Variants in FGF14 observed in about 807,000 individuals in gnomAD.
The protein encoded by FGF14 is fibroblast growth factor homologous factor 4.
Under a neutral mutation model 25.5 loss-of-function variants are expected in FGF14, and 5 were observed. The ratio of observed to expected loss-of-function variants is 0.20; its 90% CI spans 0.10 to 0.41. FGF14 has a LOEUF of 0.41. Among genes scored for constraint, FGF14 ranks in the 10% least tolerant of loss-of-function variants. The probability of loss-of-function intolerance (pLI) is 1.00; values close to 1 mark genes in which losing one functional copy is unlikely to be tolerated. For synonymous variants in FGF14, 138 were observed against 118.3 expected (o/e 1.17, Z -1.08); for missense variants, 222 against 320.1 (o/e 0.69, Z 2.34).
chr13:102,364,121 G>C (rs1022367860), intron 1 of FGF14, among the ~76,000 whole-genome samples: 2 of 152,230 alleles, frequency 1.3e-5, no homozygotes, highest in African/African-American at 2.4e-5. Flanking sequence ...GGAAGATGCC[G>C]TAAGTGCCAC....
At chr13:102,270,572 T>TG (rs1447121572) in intron 1 of FGF14, among the ~76,000 whole-genome samples, 1 of 152,190 alleles carries the variant, frequency 6.6e-6, no homozygotes, top group Non-Finnish European at 1.5e-5. Flanking sequence ...ATTGTCAACC[T>TG]GCTTGCCAAG....
chr13:102,219,653 T>G (rs2050524236), intron 1 of FGF14, among the ~76,000 whole-genome samples: 1 of 152,176 alleles, frequency 6.6e-6, no homozygotes, highest in African/African-American at 2.4e-5. Context: ...CTGTTGAAAT[T>G]GATACTAAAA....
At chr13:101,797,741 G>A (rs925047549) in intron 3 of FGF14, among the ~76,000 whole-genome samples, 49 of 143,394 alleles carry the variant, frequency 3.4e-4, no homozygotes, top group East Asian at 1.4e-3. Context: ...ATTGATGTGT[G>A]TGTGTGTGTG....
chr13:102,374,328 C>T (rs964300300), intron 1 of FGF14, among the ~76,000 whole-genome samples: 2 of 151,742 alleles, frequency 1.3e-5, no homozygotes, highest in African/African-American at 4.8e-5. Flanking sequence ...CAGCAAAACA[C>T]AGTACCCACA....
chr13:102,214,581 AT>A (rs1285343361), intron 1 of FGF14, among the ~76,000 whole-genome samples: 1 of 152,204 alleles, frequency 6.6e-6, no homozygotes, highest in Non-Finnish European at 1.5e-5. Flanking sequence ...CTGGAATGCC[AT>A]TTAGTTTCAA....
intron 3 of FGF14, among the ~76,000 whole-genome samples, chr13:101,746,431 A>G (rs912463445): frequency 2.0e-5 from 3 of 152,108 alleles, no homozygotes; most frequent in Admixed American, 2.0e-4. Context: ...AGTATTTATT[A>G]TTAGAAAATA....
intron 3 of FGF14, among the ~76,000 whole-genome samples, chr13:101,735,561 C>A (rs1228651715): frequency 6.6e-6 from 1 of 151,932 alleles, no homozygotes; most frequent in Non-Finnish European, 1.5e-5. Flanking sequence ...ATCTTTCCTC[C>A]TCTTCACGCA....
At chr13:102,285,123 A>C (rs749230161) in intron 1 of FGF14, among the ~76,000 whole-genome samples, 3 of 152,196 alleles carry the variant, frequency 2.0e-5, no homozygotes, top group Admixed American at 6.5e-5. Flanking sequence ...ATCTACTTAT[A>C]CTTTCCTAAT....
chr13:102,122,501 G>A (rs974309180), intron 1 of FGF14, among the ~76,000 whole-genome samples: 2 of 152,108 alleles, frequency 1.3e-5, no homozygotes, highest in Non-Finnish European at 2.9e-5. Context: ...CATATAGAGC[G>A]CTCTCCCCAA....
intron 1 of FGF14, among the ~76,000 whole-genome samples, chr13:102,119,977 A>G (rs1475716982): frequency 6.6e-6 from 1 of 151,920 alleles, no homozygotes; most frequent in Admixed American, 6.6e-5. Context: ...CATTGCCCTC[A>G]CCCATCATGC....
At chr13:102,086,943 G>A (rs1234972596) in intron 1 of FGF14, among the ~76,000 whole-genome samples, 1 of 152,174 alleles carries the variant, frequency 6.6e-6, no homozygotes, top group Non-Finnish European at 1.5e-5. Flanking sequence ...AGTGAATTGG[G>A]AATCACAGCA....
chr13:101,894,316 C>T (rs1427276636), intron 1 of FGF14, among the ~76,000 whole-genome samples: 1 of 152,104 alleles, frequency 6.6e-6, no homozygotes, highest in Non-Finnish European at 1.5e-5. Context: ...TGATTATTGT[C>T]ATGATACTTT....
intron 3 of FGF14, among the ~76,000 whole-genome samples, chr13:101,816,285 A>AAAAAAAG (rs2041847052): frequency 1.3e-5 from 2 of 150,104 alleles, no homozygotes; most frequent in Non-Finnish European, 3.0e-5. Flanking sequence ...AAAAAAAAAA[A>AAAAAAAG]TTTGGCTTAC....
At chr13:101,898,063 G>C (rs1045319324) in intron 1 of FGF14, among the ~76,000 whole-genome samples, 4 of 151,488 alleles carry the variant, frequency 2.6e-5, no homozygotes, top group African/African-American at 9.7e-5. Context: ...TCCAGATAAT[G>C]TTTGTATTTT....
chr13:102,289,881 C>T (rs1355019039), intron 1 of FGF14, among the ~76,000 whole-genome samples: 1 of 152,072 alleles, frequency 6.6e-6, no homozygotes, highest in Non-Finnish European at 1.5e-5. Context: ...TGGTCTCTCT[C>T]TCTCTCTCTT....
At chr13:102,355,150 T>C (rs2057386918) in intron 1 of FGF14, among the ~76,000 whole-genome samples, 1 of 152,172 alleles carries the variant, frequency 6.6e-6, no homozygotes, top group African/African-American at 2.4e-5. Context: ...GAGGGATGAA[T>C]GATGGAAGTA....
At chr13:101,975,847 G>A (rs1414290781) in intron 1 of FGF14, among the ~76,000 whole-genome samples, 3 of 152,138 alleles carry the variant, frequency 2.0e-5, no homozygotes, top group Non-Finnish European at 4.4e-5. Flanking sequence ...TTTGTGACAG[G>A]AGAGAACAAA....
At chr13:102,142,948 T>G (rs900510523) in intron 1 of FGF14, among the ~76,000 whole-genome samples, 39 of 152,202 alleles carry the variant, frequency 2.6e-4, no homozygotes, top group African/African-American at 8.9e-4. Flanking sequence ...TACTAAAATC[T>G]ACACACCTTC....
chr13:101,901,433 G>A (rs1325784684), intron 1 of FGF14, among the ~76,000 whole-genome samples: 1 of 152,130 alleles, frequency 6.6e-6, no homozygotes, highest in East Asian at 1.9e-4. Flanking sequence ...ATGGGATGCG[G>A]TGGCTCATGC....
Sources: gnomAD v4.1 joint callset for allele counts (sites outside exome capture counted in the v4.1 genomes callset) on GRCh38, gnomAD v4.1.1 for gene constraint, MANE v1.5 for transcripts, NCBI Gene and HGNC (gene_info 2026-07-23, HGNC 2026-07-21) for gene names.